Variants in DNAJC6 observed in about 807,000 individuals in gnomAD.
DNAJC6 encodes the protein auxilin.
Under a neutral mutation model 110.0 loss-of-function variants are expected in DNAJC6, and 34 were observed. That is an observed-to-expected ratio of 0.31 (90% confidence interval 0.24 to 0.41). The LOEUF (loss-of-function observed/expected upper bound fraction) is 0.41, where lower values mean the gene tolerates loss of function less well. Ranked by LOEUF, DNAJC6 falls within the 10% of genes least tolerant of loss-of-function variation. The pLI is 1.00. For synonymous variants in DNAJC6, 406 were observed against 437.2 expected, an observed-to-expected ratio of 0.93 and a Z score of 0.89; for missense variants, 1,031 against 1,207.8, an observed-to-expected ratio of 0.85 and a Z score of 2.17.
chr1:65,309,673 T>G lies in DNAJC6; in HGVS notation c.-73T>G, dbSNP rs533079013. The G allele has an allele frequency of 2.8e-5, 42 of 1,509,336 alleles. No individual in the cohort carries two copies. In the South Asian group the frequency reaches 5.0e-4, roughly 18 times the overall value. 93.5% of individuals were successfully genotyped at this position (1,509,336 alleles called of 1,614,324 possible). A position where few individuals can be genotyped will look rare whatever the true frequency, so the allele number is the denominator to read the frequency against. On this transcript the variant is annotated 5_prime_UTR_variant, in exon 1 of 19. Coordinates refer to ENST00000371069, the MANE Select transcript of DNAJC6 (RefSeq NM_001256864.2). ...TTTTTTTTTTTTTTTAATTCCTTCT[T>G]CAGCCCTTTCCACCTTCCATCTCCC...
At chr1:65,314,776 C>T (rs6691140) in intron 1 of DNAJC6, among the ~76,000 whole-genome samples, 82,166 of 152,218 alleles carry the variant, frequency 0.54, 22,453 homozygotes, top group Non-Finnish European at 0.59. Context: ...GCGTGAGCCA[C>T]TGTGCCCAGC....
At chr1:65,322,373 A>G (rs1049874183) in intron 1 of DNAJC6, among the ~76,000 whole-genome samples, 2 of 152,208 alleles carry the variant, frequency 1.3e-5, no homozygotes, top group African/African-American at 2.4e-5. Flanking sequence ...ACATATACAT[A>G]CATCCAATCA....
intron 11 of DNAJC6, among the ~76,000 whole-genome samples, chr1:65,390,521 C>T (rs551094507): frequency 2.6e-5 from 4 of 152,308 alleles, no homozygotes; most frequent in South Asian, 4.1e-4. Flanking sequence ...AGTAGCCTGA[C>T]GTTGGCATCC....
rs768425147 is a variant in DNAJC6 at position 65,364,685 on chromosome 1, A to G, written c.244A>G (p.Met82Val). The G allele has an allele frequency of 3.1e-6, 5 of 1,610,530 alleles. No homozygotes were observed. The highest frequency in any genetic ancestry group is 4.2e-6 in the Non-Finnish European group (5 of 1,179,418). Reference protein sequence around the residue: ...EPSYGGGLFDMVKGGAGRLFS... With the variant: ...EPSYGGGLFDVVKGGAGRLFS... ...CAGCTATGGGGGAGGTCTCTTTGAC[A>G]TGGTAAAAGGAGGTGCAGGGAGGCT... Residue 82 changes from methionine to valine, a missense_variant, in exon 2 of 19, where the codon ATG (methionine) becomes GTG (valine). Physicochemically the swap from Met to Val is conservative, Grantham distance 21 (BLOSUM62 1). Coordinates refer to ENST00000371069, the MANE Select transcript of DNAJC6 (RefSeq NM_001256864.2).
intron 1 of DNAJC6, among the ~76,000 whole-genome samples, chr1:65,277,146 G>C (rs376576573): frequency 6.6e-6 from 1 of 150,578 alleles, no homozygotes; most frequent in South Asian, 2.1e-4. Context: ...GTTTTTTTTT[G>C]TTTGTTTTAA....
chr1:65,383,721 C>T (rs965302507), intron 5 of DNAJC6, among the ~76,000 whole-genome samples: 1 of 152,202 alleles, frequency 6.6e-6, no homozygotes, highest in Non-Finnish European at 1.5e-5. Flanking sequence ...CAGTCCACAA[C>T]AGATTTATTT....
At chr1:65,358,067 T>C (rs2101538105) in intron 1 of DNAJC6, among the ~76,000 whole-genome samples, 1 of 151,566 alleles carries the variant, frequency 6.6e-6, no homozygotes, top group Admixed American at 6.6e-5. Flanking sequence ...TAATCCCAGC[T>C]TATCGGGAGG....
chr1:65,381,078 C>T (rs1338369701), intron 5 of DNAJC6, among the ~76,000 whole-genome samples: 2 of 151,190 alleles, frequency 1.3e-5, no homozygotes, highest in African/African-American at 2.4e-5. Flanking sequence ...ACCACCACAC[C>T]CAGATAATTT....
chr1:65,386,055 G>A (rs1426247252), intron 7 of DNAJC6, 149 bp downstream of exon 7: 9 of 857,790 alleles, frequency 1.0e-5, no homozygotes, highest in African/African-American at 3.4e-5. Context: ...GGTAATCATA[G>A]AAAAGTACAA....
chr1:65,412,901 G>A (rs1408409735), intron 18 of DNAJC6, 23 bp from the exon 19 acceptor site: 1 of 1,600,500 alleles, frequency 6.2e-7, no homozygotes, highest in Admixed American at 1.7e-5. Flanking sequence ...GGTATCTAAT[G>A]TGTGTTTTTG....
intron 1 of DNAJC6, among the ~76,000 whole-genome samples, chr1:65,358,898 T>C (rs1306309764): frequency 6.6e-6 from 1 of 152,206 alleles, no homozygotes; most frequent in Admixed American, 6.5e-5. Flanking sequence ...CATTTCTTCT[T>C]AGAGGACCAG....
intron 17 of DNAJC6, 51 bp from the exon 18 acceptor site, chr1:65,411,199 C>G: frequency 6.4e-7 from 1 of 1,568,960 alleles, no homozygotes; most frequent in Non-Finnish European, 8.7e-7. Flanking sequence ...TGGAAACCTT[C>G]TGAACTAGTA....
At chr1:65,339,620 G>A (rs1259455319) in intron 1 of DNAJC6, among the ~76,000 whole-genome samples, 1 of 152,192 alleles carries the variant, frequency 6.6e-6, no homozygotes, top group East Asian at 1.9e-4. Context: ...TTGGCACTGT[G>A]TATGGAGTCT....
chr1:65,271,685 G>T (rs1653510381), intron 1 of DNAJC6, among the ~76,000 whole-genome samples: 1 of 151,938 alleles, frequency 6.6e-6, no homozygotes. Context: ...TGGCCAACAT[G>T]GTGAAACCCT....
At chr1:65,394,527 G>A (rs921793036) in intron 12 of DNAJC6, among the ~76,000 whole-genome samples, 24 of 152,202 alleles carry the variant, frequency 1.6e-4, no homozygotes, top group African/African-American at 5.5e-4. Context: ...GGCAGTTTTA[G>A]TTATTGGAGA....
chr1:65,397,053 A>G (rs980174613), intron 13 of DNAJC6, among the ~76,000 whole-genome samples: 2 of 152,158 alleles, frequency 1.3e-5, no homozygotes, highest in East Asian at 1.9e-4. Flanking sequence ...TGATGAGCTG[A>G]TTAGAACATG....
chr1:65,313,846 G>T (rs1201667017), intron 1 of DNAJC6, among the ~76,000 whole-genome samples: 1 of 152,116 alleles, frequency 6.6e-6, no homozygotes, highest in Non-Finnish European at 1.5e-5. Context: ...CTCTAGAAAA[G>T]GTTGTCATTT....
chr1:65,296,514 C>T (rs1415849291), intron 1 of DNAJC6, among the ~76,000 whole-genome samples: 1 of 151,568 alleles, frequency 6.6e-6, no homozygotes, highest in African/African-American at 2.4e-5. Context: ...TGCTAAACAG[C>T]GTAGAACATC....
chr1:65,398,842 C>G lies in DNAJC6; in HGVS notation c.2068C>G (p.Pro690Ala), dbSNP rs1409859095. 1 of 1,614,046 alleles carries G rather than the reference C, an allele frequency of 6.2e-7. No individual in the cohort carries two copies. Residue 690 changes from proline (P) to alanine (A), a missense_variant, in exon 14 of 19, where the codon CCA (proline) becomes GCA (alanine). Physicochemically the swap from Pro to Ala is conservative, Grantham distance 27. Coordinates refer to ENST00000371069, the MANE Select transcript of DNAJC6 (RefSeq NM_001256864.2). Reference sequence around the variant, plus strand: ...TAGTACGCCTGCTGTGAACATTCAGCCAGATGTTTCTGGAGGTTGGGACTG... The same window carrying G: ...TAGTACGCCTGCTGTGAACATTCAGGCAGATGTTTCTGGAGGTTGGGACTG... ...ASSTPAVNIQ[P>A]DVSGGWDWHA...
Sources: gnomAD v4.1 joint callset for allele counts (sites outside exome capture counted in the v4.1 genomes callset) on GRCh38, gnomAD v4.1.1 for gene constraint, MANE v1.5 for transcripts, NCBI Gene and HGNC (gene_info 2026-07-23, HGNC 2026-07-21) for gene names.